The following CTNND1 variants were observed in gnomAD, a reference collection of about 807,000 sequenced individuals.
CTNND1 encodes catenin delta 1, also known as catenin delta-1.
CTNND1 carries 16 observed loss-of-function variants against 112.1 expected under a neutral mutation model. That is an observed-to-expected ratio of 0.14 (90% confidence interval 0.10 to 0.22). The LOEUF (loss-of-function observed/expected upper bound fraction) is 0.22, where lower values mean the gene tolerates loss of function less well. CTNND1 is among the 10% of genes least tolerant of loss of function. CTNND1 has a pLI of 1.00. For synonymous variants in CTNND1, 420 were observed against 446.5 expected, an observed-to-expected ratio of 0.94 and a Z score of 0.75; for missense variants, 1,008 against 1,257.0, an observed-to-expected ratio of 0.80 and a Z score of 3.00.
chr11:57,805,861 TGGCC>T lies in CTNND1; in HGVS notation c.1723-20_1723-17del, dbSNP rs1338809990. 2 of 1,607,330 alleles carry T rather than the reference TGGCC, an allele frequency of 1.2e-6. No homozygotes were observed. The highest frequency in any genetic ancestry group is 3.4e-5 in the Admixed American group (2 of 58,770). On this transcript the variant is annotated splice_polypyrimidine_tract_variant and intron_variant, in intron 9 of 20. Transcript: ENST00000399050. ...CACAATAGACATTCTTTTTTCTCATTGGCCCTTTTATGTCCCTAAGCTTGTAGAG... is the reference window on the plus strand; with the variant it reads ...CACAATAGACATTCTTTTTTCTCATTCTTTTATGTCCCTAAGCTTGTAGAG...
At chr11:57,781,431 A>G (rs1427802967) in intron 1 of CTNND1, among the ~76,000 whole-genome samples, 1 of 152,108 alleles carries the variant, frequency 6.6e-6, no homozygotes, top group Non-Finnish European at 1.5e-5. Flanking sequence ...CATTTCAATG[A>G]GGCTTTTTCT....
chr11:57,777,744 C>G (rs1487041942), intron 1 of CTNND1, among the ~76,000 whole-genome samples: 1 of 152,154 alleles, frequency 6.6e-6, no homozygotes, highest in Non-Finnish European at 1.5e-5. Context: ...CCAGTTAGTT[C>G]CTGGTGTGCC....
At chr11:57,787,001 G>A (rs1345982817) in intron 1 of CTNND1, among the ~76,000 whole-genome samples, 1 of 152,114 alleles carries the variant, frequency 6.6e-6, no homozygotes, top group Non-Finnish European at 1.5e-5. Context: ...GCATAGACCT[G>A]GGTTTAAATT....
chr11:57,791,656 C>G lies in CTNND1; in HGVS notation c.178C>G (p.Leu60Val). 1 of 1,575,408 alleles carries G rather than the reference C, an allele frequency of 6.3e-7. No individual in the cohort carries two copies. Among genetic ancestry groups the G allele is most frequent in the Non-Finnish European group, 8.6e-7 (1 of 1,156,786 alleles). The change falls in exon 3 of 21, where the codon CTC becomes GTC. Residue 60 changes from leucine (L) to valine (V), a missense_variant. This residue lies in a region of CTNND1 where 404 missense variants were observed against 457.9 expected (regional missense o/e 0.88). Coordinates refer to ENST00000399050, the MANE Select transcript of CTNND1 (RefSeq NM_001085458.2). ...DANPLMANGT[L>V]TRRHQNGRFV... is the part of the protein sequence containing the mutation. The stretch of plus-strand genomic sequence containing the variant: ...CAACCCACTCATGGCCAACGGCACA[C>G]TCACCCGCCGGCATCAGGTAACCCC...
At chr11:57,793,116 C>T (rs2060954420) in intron 3 of CTNND1, 1 of 152,162 alleles carries the variant, frequency 6.6e-6, no homozygotes. Flanking sequence ...AAACCACACC[C>T]TTCCTTCTTC....
chr11:57,791,811 G>A (rs1196128166), intron 3 of CTNND1, 138 bp downstream of exon 3: 2 of 928,740 alleles, frequency 2.2e-6, no homozygotes. Context: ...TTTTCCAGGG[G>A]TGTTAAATGC....
At chr11:57,768,412 T>C (rs1278589305) in intron 1 of CTNND1, among the ~76,000 whole-genome samples, 11 of 65,206 alleles carry the variant, frequency 1.7e-4, no homozygotes, top group Admixed American at 8.2e-4. Flanking sequence ...TTTTTTTTTT[T>C]AGACAGAGTC....
At chr11:57,794,106 G>A (rs1173108397) in intron 4 of CTNND1, 25 bp downstream of exon 4, 2 of 1,606,484 alleles carry the variant, frequency 1.2e-6, no homozygotes, top group African/African-American at 2.7e-5. Flanking sequence ...CAAGACCTGG[G>A]TTGCTTCATT....
chr11:57,799,924 C>T (rs1400863225), intron 6 of CTNND1, among the ~76,000 whole-genome samples: 1 of 147,592 alleles, frequency 6.8e-6, no homozygotes, highest in East Asian at 2.0e-4. Flanking sequence ...GGAATCTTAA[C>T]ATACTGCTTA....
chr11:57,764,936 A>G (rs906135915), intron 1 of CTNND1, among the ~76,000 whole-genome samples: 1 of 152,192 alleles, frequency 6.6e-6, no homozygotes, highest in Admixed American at 6.5e-5. Flanking sequence ...AATGTATGCA[A>G]AAGATCTATT....
At chr11:57,806,784 C>T (rs2062724886) in intron 11 of CTNND1, 131 bp from the exon 12 acceptor site, 2 of 768,148 alleles carry the variant, frequency 2.6e-6, no homozygotes, top group Admixed American at 5.0e-5. Flanking sequence ...GTTGCCCTCA[C>T]CTGCCCCTTT....
intron 1 of CTNND1, among the ~76,000 whole-genome samples, chr11:57,769,401 C>A (rs1483600001): frequency 6.6e-6 from 1 of 152,068 alleles, no homozygotes; most frequent in Non-Finnish European, 1.5e-5. Context: ...TCTCCTACTT[C>A]AGCCCCTGGA....
rs767619283 is a variant in CTNND1, at chr11:57,809,309, C to G, written c.2278C>G (p.Pro760Ala). Reference sequence around the variant, plus strand: ...TATTCCTAACTTGGTAAAGAATCTGCCAGGAGGACAGCAGAACTCCTCTTG... The same window carrying G: ...TATTCCTAACTTGGTAAAGAATCTGGCAGGAGGACAGCAGAACTCCTCTTG... Reference protein sequence around the residue: ...HAIPNLVKNLPGGQQNSSWNF... With the variant: ...HAIPNLVKNLAGGQQNSSWNF... Residue 760 changes from proline (P) to alanine (A), a missense_variant, in exon 15 of 21, where the codon CCA becomes GCA. Coordinates refer to ENST00000399050, the MANE Select transcript of CTNND1 (RefSeq NM_001085458.2). 1.2e-6 allele frequency: 2 copies of G among 1,613,776 alleles called. No homozygotes were observed. Among genetic ancestry groups the G allele is most frequent in the Non-Finnish European group, 1.7e-6 (2 of 1,179,750 alleles).
chr11:57,805,269 A>G (rs1036309023), intron 9 of CTNND1, among the ~76,000 whole-genome samples: 6 of 151,746 alleles, frequency 4.0e-5, no homozygotes, highest in Non-Finnish European at 7.4e-5. Context: ...TTTTTTTGAG[A>G]TGGAGTCTGG....
chr11:57,784,957 C>T (rs2059979920), intron 1 of CTNND1, among the ~76,000 whole-genome samples: 1 of 152,128 alleles, frequency 6.6e-6, no homozygotes, highest in South Asian at 2.1e-4. Context: ...TATATATTAG[C>T]TCATTAAAAC....
chr11:57,797,681 AAAAAT>A (rs1225220650), intron 6 of CTNND1, among the ~76,000 whole-genome samples: 3 of 150,544 alleles, frequency 2.0e-5, no homozygotes, highest in Non-Finnish European at 3.0e-5. Context: ...CGCCTCTACT[AAAAAT>A]ACAAAATTAG....
chr11:57,796,322 GT>G lies in CTNND1; in HGVS notation c.421-133del, dbSNP rs2061357253. ...AATTGCGTGAACCTGGGAGGCAGAGGTTGCAGGTGAGCCGAGATCACGCCAT... is the reference window on the plus strand; with the variant it reads ...AATTGCGTGAACCTGGGAGGCAGAGGTGCAGGTGAGCCGAGATCACGCCAT... On this transcript the variant is annotated intron_variant, in intron 5 of 20. Coordinates refer to ENST00000399050, the MANE Select transcript of CTNND1 (RefSeq NM_001085458.2). The G allele has an allele frequency of 2.0e-5, 16 of 781,892 alleles. No homozygotes were observed. In the East Asian group the frequency reaches 3.5e-4, roughly 17 times the overall value. The allele number at this position is 781,892 out of a possible 1,614,324, so 48.4% of individuals were successfully genotyped here. A position where few individuals can be genotyped will look rare whatever the true frequency, so the allele number is the denominator to read the frequency against.
At chr11:57,799,387 A>G (rs759331333) in intron 6 of CTNND1, among the ~76,000 whole-genome samples, 1 of 152,206 alleles carries the variant, frequency 6.6e-6, no homozygotes, top group African/African-American at 2.4e-5. Context: ...TAGTTGTGCT[A>G]GTTCACATAG....
rs141671196 is a variant in CTNND1 at position 57,788,042 on chromosome 11, A to T, written c.-213-995A>T. ...TAATTTGGGCTTTTATTAGCAAAGA[A>T]GATTATAGGGTGGATGCTGCTGGAG... On this transcript the variant is annotated intron_variant, in intron 1 of 20. Coordinates refer to ENST00000399050, the MANE Select transcript of CTNND1 (RefSeq NM_001085458.2). The surrounding 1 kb of genome is among the most constrained non-coding windows in gnomAD (Gnocchi z 4.1). Among the ~76,000 whole-genome samples, 132 of 152,336 alleles carry T rather than the reference A, an allele frequency of 8.7e-4. No individual in the cohort carries two copies. The highest frequency in any genetic ancestry group is 1.3e-3 in the Non-Finnish European group (87 of 68,038).
Sources: gnomAD v4.1 joint callset for allele counts (sites outside exome capture counted in the v4.1 genomes callset) on GRCh38, gnomAD v4.1.1 for gene constraint, gnomAD v4.1.1 regional missense constraint, Gnocchi (gnomAD v3.1) non-coding constraint, MANE v1.5 for transcripts, NCBI Gene and HGNC (gene_info 2026-07-23, HGNC 2026-07-21) for gene names.